TET3: variants seen among roughly 807,000 people sequenced by gnomAD.
TET3 encodes the protein methylcytosine dioxygenase TET3.
TET3 carries 19 observed loss-of-function variants against 141.4 expected under a neutral mutation model. That is an observed-to-expected ratio of 0.13 (90% CI 0.09 to 0.20). The LOEUF (loss-of-function observed/expected upper bound fraction) is 0.20. TET3 is among the 10% of genes least tolerant of loss of function. TET3 has a pLI of 1.00. For missense variants in TET3, 1,874 were observed against 2,356.9 expected, an observed-to-expected ratio of 0.80 and a Z score of 4.24; for synonymous variants, 1,043 against 980.9, an observed-to-expected ratio of 1.06 and a Z score of -1.18.
At chr2:74,025,427 A>G (rs1036033424) in intron 3 of TET3, among the ~76,000 whole-genome samples, 1 of 150,898 alleles carries the variant, frequency 6.6e-6, no homozygotes, top group African/African-American at 2.4e-5. Context: ...AGCTGGGACC[A>G]CAGGCACCCA....
chr2:74,063,778 G>T (rs1325306870), intron 4 of TET3, among the ~76,000 whole-genome samples: 1 of 151,856 alleles, frequency 6.6e-6, no homozygotes, highest in Admixed American at 6.6e-5. Flanking sequence ...GGGCAGATCT[G>T]GCCTGGTGCA....
intron 3 of TET3, among the ~76,000 whole-genome samples, chr2:74,007,336 T>G (rs1190515940): frequency 6.6e-6 from 1 of 152,234 alleles, no homozygotes; most frequent in African/African-American, 2.4e-5. Context: ...TGACTCAACA[T>G]GCCAAGTTTG....
chr2:74,004,588 G>T (rs990149844), intron 3 of TET3, among the ~76,000 whole-genome samples: 1 of 152,144 alleles, frequency 6.6e-6, no homozygotes, highest in Non-Finnish European at 1.5e-5. Context: ...GAAGAGCCAG[G>T]GGGCATCGGC....
intron 4 of TET3, among the ~76,000 whole-genome samples, chr2:74,053,838 C>T (rs1335272863): frequency 3.3e-5 from 5 of 152,000 alleles, no homozygotes; most frequent in Non-Finnish European, 7.4e-5. Flanking sequence ...TCACACAAAC[C>T]CCCCACCCCA....
At position 74,030,108 on chromosome 2, in the gene TET3, C is replaced by T. The variant is rs564211600; in HGVS notation, c.361-16170C>T. On this transcript the variant is annotated intron_variant, in intron 3 of 11. Coordinates refer to ENST00000409262, the MANE Select transcript of TET3 (RefSeq NM_001287491.2). Reference sequence around the variant, plus strand: ...CTACTCTATCCACAAAGAAGTGATGCGGAATGTATATTTGTTTGAGAGATA... The same window carrying T: ...CTACTCTATCCACAAAGAAGTGATGTGGAATGTATATTTGTTTGAGAGATA... Among the ~76,000 whole-genome samples, 69 of 152,068 alleles carry T rather than the reference C, an allele frequency of 4.5e-4. 1 individual carries two copies. The highest frequency in any genetic ancestry group is 4.4e-3 in the South Asian group (21 of 4,818).
At chr2:74,048,462 T>G in intron 4 of TET3, 51 bp downstream of exon 4, 1 of 1,519,838 alleles carries the variant, frequency 6.6e-7, no homozygotes, top group Non-Finnish European at 8.8e-7. Context: ...TGTGGCCTGG[T>G]GAGCTAGGAT....
At chr2:74,009,695 A>ATCTCAGCTTT (rs773318487) in intron 3 of TET3, among the ~76,000 whole-genome samples, 23 of 152,088 alleles carry the variant, frequency 1.5e-4, no homozygotes, top group Non-Finnish European at 2.8e-4. Flanking sequence ...TTGTGCTTTG[A>ATCTCAGCTTT]TCTCAGCTTT....
intron 3 of TET3, among the ~76,000 whole-genome samples, chr2:74,037,819 TTC>T (rs764058100): frequency 7.9e-5 from 12 of 152,260 alleles, no homozygotes; most frequent in Non-Finnish European, 1.5e-4. Flanking sequence ...CATTCTTGTC[TTC>T]TCTCTTCCCT....
intron 6 of TET3, among the ~76,000 whole-genome samples, chr2:74,083,895 CAGA>C (rs1196910445): frequency 6.6e-6 from 1 of 152,190 alleles, no homozygotes; most frequent in African/African-American, 2.4e-5. Context: ...TGGCCAGGAG[CAGA>C]AGTTGACCAT....
chr2:73,998,823 T>C (rs1189938987), intron 2 of TET3, among the ~76,000 whole-genome samples: 1 of 151,588 alleles, frequency 6.6e-6, no homozygotes, highest in Non-Finnish European at 1.5e-5. Context: ...GGATCCTTTG[T>C]GTGATGAAGA....
chr2:74,036,792 A>C (rs774649615), intron 3 of TET3, among the ~76,000 whole-genome samples: 1 of 152,142 alleles, frequency 6.6e-6, no homozygotes, highest in Non-Finnish European at 1.5e-5. Context: ...CCTCGAACCC[A>C]CATTAGTTAC....
rs763958844 is a variant in TET3, at chr2:74,105,514, T to C, written c.*3338T>C. 6 of 398,148 alleles carry C rather than the reference T, an allele frequency of 1.5e-5. No individual in the cohort carries two copies. Among genetic ancestry groups the C allele is most frequent in the Non-Finnish European group, 2.7e-5 (6 of 225,942 alleles). 24.7% of individuals were successfully genotyped at this position (398,148 alleles called of 1,614,324 possible). On this transcript the variant is annotated 3_prime_UTR_variant, in exon 12 of 12. Transcript: ENST00000409262. ...TTGGGGGTCTTTCGGTTTTTGGTTT[T>C]GGGTCTGGCTTTTAGCAGGGCCAAT...
chr2:74,019,282 A>C (rs191213996), intron 3 of TET3, among the ~76,000 whole-genome samples: 1 of 152,234 alleles, frequency 6.6e-6, no homozygotes, highest in East Asian at 1.9e-4. Context: ...AAACAAAATA[A>C]ATGAAACGTT....
chr2:74,058,886 A>G (rs1249660055), intron 4 of TET3, among the ~76,000 whole-genome samples: 1 of 152,220 alleles, frequency 6.6e-6, no homozygotes, highest in Non-Finnish European at 1.5e-5. Context: ...TCAGTTGAAG[A>G]ATAACATTTC....
intron 2 of TET3, among the ~76,000 whole-genome samples, chr2:73,996,512 T>C (rs1447790059): frequency 6.6e-6 from 1 of 152,160 alleles, no homozygotes; most frequent in African/African-American, 2.4e-5. Context: ...AAGATTTTTT[T>C]TTATTTTTTA....
chr2:74,032,238 T>C (rs1238565782), intron 3 of TET3, among the ~76,000 whole-genome samples: 1 of 152,098 alleles, frequency 6.6e-6, no homozygotes. Context: ...TGCGGGGGAC[T>C]GTGGTGTTAG....
chr2:74,115,015 G>A, the TET3 span, among the ~76,000 whole-genome samples: 1 of 151,930 alleles, frequency 6.6e-6, no homozygotes, highest in African/African-American at 2.4e-5. Flanking sequence ...AGAAAACACA[G>A]GGGAAATGCT....
chr2:74,083,048 T>C lies in TET3; in HGVS notation c.2679+2457T>C, dbSNP rs530408810. Among the ~76,000 whole-genome samples, 6 of 152,318 alleles carry C rather than the reference T, an allele frequency of 3.9e-5. No homozygotes were observed. The East Asian group carries it at 1.2e-3, about 29-fold the overall frequency. ...CAGCCATACCTTCAGCTTAAAGCAG[T>C]GTGCCTCACATGTTCTGCACTTGAC... On this transcript the variant is annotated intron_variant, in intron 6 of 11. Transcript: ENST00000409262.
Position 74,034,575 on chromosome 2 carries a change from T to TAAA in TET3, c.361-11686_361-11684dup, listed in dbSNP as rs57991784. ...ACATATGTAGTCCTCGAGCATTGAT[T>TAAA]AAAAAAAAAAAAAAAAAAACCCTGT... is the stretch of plus-strand genomic sequence containing the variant. On this transcript the variant is annotated intron_variant, in intron 3 of 11. Coordinates refer to ENST00000409262, the MANE Select transcript of TET3 (RefSeq NM_001287491.2). Among the ~76,000 whole-genome samples, 11 of 130,044 alleles carry TAAA rather than the reference T, an allele frequency of 8.5e-5. No homozygotes were observed. In the East Asian group the frequency reaches 1.3e-3, roughly 15 times the overall value. The allele number at this position is 130,044 out of a possible 152,430, so 85.3% of individuals were successfully genotyped here. A position where few individuals can be genotyped will look rare whatever the true frequency, so the allele number is the denominator to read the frequency against.
Sources: allele counts gnomAD v4.1 joint callset (sites outside exome capture counted in the v4.1 genomes callset), GRCh38; gene constraint gnomAD v4.1.1; transcripts MANE v1.5; gene names NCBI Gene and HGNC (gene_info 2026-07-23, HGNC 2026-07-21).